KNTC1: variants seen among roughly 807,000 people sequenced by gnomAD.
The protein encoded by KNTC1 is kinetochore-associated protein 1.
A neutral mutation model predicts 314.4 loss-of-function variants in KNTC1; 253 were observed. The ratio of observed to expected loss-of-function variants is 0.80; its 90% CI spans 0.73 to 0.89. KNTC1 has a LOEUF of 0.89. Among genes scored for constraint, KNTC1 ranks in the 40% least tolerant of loss-of-function variants. KNTC1 has a pLI of 0.00. For missense variants in KNTC1, 2,475 were observed against 2,572.9 expected, an observed-to-expected ratio of 0.96 and a Z score of 0.82; for synonymous variants, 901 against 901.4, an observed-to-expected ratio of 1.00 and a Z score of 0.01.
intron 3 of KNTC1, among the ~76,000 whole-genome samples, chr12:122,537,754 G>A (rs1961956795): frequency 6.6e-6 from 1 of 152,056 alleles, no homozygotes. Context: ...TATGAGCTCT[G>A]TGACGGTGGT....
At position 122,605,360 on chromosome 12, in the gene KNTC1, A is replaced by C; in HGVS notation, c.5441A>C (p.Lys1814Thr). The C allele has an allele frequency of 1.2e-6, 2 of 1,606,824 alleles. No homozygotes were observed. The highest frequency in any genetic ancestry group is 1.7e-6 in the Non-Finnish European group (2 of 1,176,422). ...IAEVNEINLE[K>T]VWDMLLEKWL... is the part of the protein sequence containing the mutation. ...GAAGTCAATGAAATTAATTTGGAAAAAGTCTGGGACATGTTGTTGGAAAAA... is the reference window on the plus strand; with the variant it reads ...GAAGTCAATGAAATTAATTTGGAAACAGTCTGGGACATGTTGTTGGAAAAA... The change falls in exon 51 of 64, where the codon AAA becomes ACA. Residue 1814 changes from lysine to threonine, a missense_variant. Lys to Thr is a moderately conservative substitution (Grantham distance 78, BLOSUM62 -1). Transcript: ENST00000333479.
At position 122,539,662 on chromosome 12, in the gene KNTC1, T is replaced by C. The variant is rs746690271; in HGVS notation, c.367-14T>C. ...TATGTTTAATTTTATTATTTGAAATTAATTTGCATTTAGGCATTTGTTCAG... is the reference window on the plus strand; with the variant it reads ...TATGTTTAATTTTATTATTTGAAATCAATTTGCATTTAGGCATTTGTTCAG... On this transcript the variant is annotated splice_polypyrimidine_tract_variant and intron_variant, in intron 4 of 63. Transcript: ENST00000333479. 2 of 1,504,550 alleles carry C rather than the reference T, an allele frequency of 1.3e-6. No homozygotes were observed. Among genetic ancestry groups the C allele is most frequent in the South Asian group, 1.3e-5 (1 of 77,776 alleles). 93.2% of individuals were successfully genotyped at this position (1,504,550 alleles called of 1,614,324 possible). A position where few individuals can be genotyped will look rare whatever the true frequency, so the allele number is the denominator to read the frequency against.
intron 31 of KNTC1, 137 bp downstream of exon 31, chr12:122,577,928 GTAAA>G: frequency 1.4e-6 from 1 of 718,556 alleles, no homozygotes; most frequent in Non-Finnish European, 2.1e-6. Flanking sequence ...AAATTCCTGG[GTAAA>G]TTTACTACTA....
intron 63 of KNTC1, among the ~76,000 whole-genome samples, 181 bp from the exon 64 acceptor site, chr12:122,626,024 G>A (rs1875009569): frequency 6.6e-6 from 1 of 152,042 alleles, no homozygotes; most frequent in South Asian, 2.1e-4. Context: ...GAAGGGGAGA[G>A]TATTGATTCG....
At position 122,575,579 on chromosome 12, in the gene KNTC1, G is replaced by A. The variant is rs1306882053; in HGVS notation, c.2419G>A (p.Ala807Thr). Residue 807 changes from alanine to threonine, a missense_variant, in exon 28 of 64, where the codon GCA becomes ACA. Transcript: ENST00000333479. ...FDAVLKIMYA[A>T]VVPWSAAVEQ... The stretch of plus-strand genomic sequence containing the variant: ...TGCCGTGCTCAAGATCATGTATGCG[G>A]CAGTGGTTCCTTGGAGTGCAGCTGT... 4 of 1,597,334 alleles carry A rather than the reference G, an allele frequency of 2.5e-6. No homozygotes were observed. In the Admixed American group the frequency reaches 5.3e-5, roughly 21 times the overall value.
chr12:122,602,493 T>C, intron 45 of KNTC1, 76 bp from the exon 46 acceptor site: 1 of 872,048 alleles, frequency 1.1e-6, no homozygotes, highest in Non-Finnish European at 1.8e-6. Context: ...CTTTTGATGG[T>C]ATACTATTAG....
intron 10 of KNTC1, 45 bp from the exon 11 acceptor site, chr12:122,547,370 T>C (rs1037827190): frequency 8.0e-7 from 1 of 1,254,784 alleles, no homozygotes; most frequent in African/African-American, 1.5e-5. Context: ...AGCAAAACTC[T>C]GTCTCAAAAA....
intron 44 of KNTC1, among the ~76,000 whole-genome samples, chr12:122,599,126 G>C (rs1393328745): frequency 6.6e-6 from 1 of 151,422 alleles, no homozygotes; most frequent in Non-Finnish European, 1.5e-5. Context: ...ACTTTTGTCT[G>C]ATTTGTTTTT....
In KNTC1 at chr12:122,570,893, G is replaced by T. The variant is rs1964640934; in HGVS notation, c.1878G>T (p.Trp626Cys). Reference sequence around the variant, plus strand: ...TATTTCAGATAATTCTTGCAAAATGGTTGGAACAAGCAGCCAGGAACCTTG... The same window carrying T: ...TATTTCAGATAATTCTTGCAAAATGTTTGGAACAAGCAGCCAGGAACCTTG... ...VPEGQIILAK[W>C]LEQAARNLEL... The change falls in exon 23 of 64, where the codon TGG (tryptophan) becomes TGT (cysteine). Residue 626 changes from tryptophan to cysteine, a missense_variant. Physicochemically the swap from Trp to Cys is radical, Grantham distance 215. Coordinates refer to ENST00000333479, the MANE Select transcript of KNTC1 (RefSeq NM_014708.6). 6.4e-7 allele frequency: 1 copy of T among 1,552,374 alleles called. No homozygotes were observed. The highest frequency in any genetic ancestry group is 2.4e-5 in the East Asian group (1 of 41,768).
chr12:122,602,762 A>T, intron 46 of KNTC1, 22 bp downstream of exon 46: 1 of 1,612,726 alleles, frequency 6.2e-7, no homozygotes, highest in Non-Finnish European at 8.5e-7. Context: ...TTAACTTTTT[A>T]TGAATTTTAC....
chr12:122,597,375 A>G, intron 43 of KNTC1: 1 of 244,194 alleles, frequency 4.1e-6, no homozygotes, highest in South Asian at 5.2e-5. Flanking sequence ...CAGCTTCCCG[A>G]GTAGCTGGGA....
intron 53 of KNTC1, among the ~76,000 whole-genome samples, chr12:122,612,091 A>G (rs536467567): frequency 4.4e-4 from 66 of 149,146 alleles, no homozygotes; most frequent in East Asian, 2.2e-3. Context: ...TTTGAGATGG[A>G]GTCTTGCTCT....
intron 2 of KNTC1, among the ~76,000 whole-genome samples, chr12:122,532,323 C>T (rs1358138459): frequency 6.6e-6 from 1 of 150,724 alleles, no homozygotes; most frequent in Non-Finnish European, 1.5e-5. Context: ...ATTCTTCTGC[C>T]TCACCCTCCC....
At chr12:122,563,912 G>A (rs767435955) in intron 20 of KNTC1, 19 of 903,866 alleles carry the variant, frequency 2.1e-5, no homozygotes, top group South Asian at 4.0e-5. Flanking sequence ...GGGCAGTGTG[G>A]CCTTACCTCT....
chr12:122,605,304 A>G lies in KNTC1; in HGVS notation c.5387-2A>G, dbSNP rs779894191. The G allele has an allele frequency of 2.0e-5, 31 of 1,554,544 alleles. No individual in the cohort carries two copies. The highest frequency in any genetic ancestry group is 2.6e-5 in the Non-Finnish European group (30 of 1,140,376). On this transcript the variant is annotated splice_acceptor_variant, in intron 50 of 63. Coordinates refer to ENST00000333479, the MANE Select transcript of KNTC1 (RefSeq NM_014708.6). LOFTEE classifies it high-confidence loss of function. ...TTCTTTTCTTTATTTTGAATATCTTAGATATTCATGCAGCAGCTAAAGAAA... is the reference window on the plus strand; with the variant it reads ...TTCTTTTCTTTATTTTGAATATCTTGGATATTCATGCAGCAGCTAAAGAAA...
At chr12:122,611,088 CTG>C (rs1873067211) in intron 53 of KNTC1, 188 bp downstream of exon 53, 4 of 590,652 alleles carry the variant, frequency 6.8e-6, no homozygotes, top group Non-Finnish European at 1.2e-5. Flanking sequence ...GTTCTGGTCT[CTG>C]TAACATCTGC....
rs753836417 is a variant in KNTC1 at position 122,613,195 on chromosome 12, A to G, written c.5706A>G (p.Ile1902Met). 5.0e-6 allele frequency: 8 copies of G among 1,611,130 alleles called. No homozygotes were observed. The African/African-American group carries it at 5.3e-5, about 11-fold the overall frequency. Residue 1902 changes from isoleucine (I) to methionine (M), a missense_variant, in exon 54 of 64, where the codon ATA (isoleucine) becomes ATG (methionine). Ile to Met is a conservative substitution (Grantham distance 10, BLOSUM62 1). Coordinates refer to ENST00000333479, the MANE Select transcript of KNTC1 (RefSeq NM_014708.6). ...CLFYLADKET[I>M]ESLFKKPIEE... ...TCTATTTGGCTGACAAGGAAACTAT[A>G]GAATCTCTCTTTAAAAAACCCATTG...
In KNTC1 at chr12:122,601,518, A is replaced by C; in HGVS notation, c.4564-18A>C. 6.6e-7 allele frequency: 1 copy of C among 1,513,676 alleles called. No individual in the cohort carries two copies. The highest frequency in any genetic ancestry group is 8.8e-7 in the Non-Finnish European group (1 of 1,131,280). The allele number at this position is 1,513,676 out of a possible 1,614,324, so 93.8% of individuals were successfully genotyped here. A position where few individuals can be genotyped will look rare whatever the true frequency, so the allele number is the denominator to read the frequency against. On this transcript the variant is annotated intron_variant, in intron 44 of 63. Coordinates refer to ENST00000333479, the MANE Select transcript of KNTC1 (RefSeq NM_014708.6). ...GCAAAGTCTTATCAAGTTTTGATAT[A>C]TTTTTGTTTTTATACAGTTGGATCC...
At chr12:122,607,376 T>C (rs1872677398) in intron 51 of KNTC1, among the ~76,000 whole-genome samples, 1 of 152,246 alleles carries the variant, frequency 6.6e-6, no homozygotes, top group Non-Finnish European at 1.5e-5. Context: ...TAGTCTGTTT[T>C]AATCTGTAAC....
Sources: gnomAD v4.1 joint callset for allele counts (sites outside exome capture counted in the v4.1 genomes callset) on GRCh38, gnomAD v4.1.1 for gene constraint, MANE v1.5 for transcripts, NCBI Gene and HGNC (gene_info 2026-07-23, HGNC 2026-07-21) for gene names.